DMD: variants seen among roughly 807,000 people sequenced by gnomAD.
DMD encodes the protein mutant dystrophin.
A neutral mutation model predicts 330.1 loss-of-function variants in DMD; 63 were observed. The observed-to-expected ratio is 0.19, with a 90% CI of 0.16 to 0.24. The LOEUF is 0.24. Ranked by LOEUF, DMD falls within the 10% of genes least tolerant of loss-of-function variation. The pLI, the probability that DMD is intolerant of heterozygous loss-of-function variation, is 1.00. For missense variants in DMD, 3,344 were observed against 2,684.1 expected (o/e 1.25, Z -5.43); for synonymous variants, 1,223 against 959.8 (o/e 1.27, Z -5.07).
At chrX:32,591,384 C>A (rs374469067) in intron 13 of DMD, among the ~76,000 whole-genome samples, 48 of 111,931 alleles carry the variant, frequency 4.3e-4, no homozygotes, top group African/African-American at 1.4e-3. Context: ...CTTTGGAAGA[C>A]ATTTTCATTA....
chrX:33,200,925 C>CTTTTTTTTT (rs10678250), intron 1 of DMD, among the ~76,000 whole-genome samples: 6 of 52,810 alleles, frequency 1.1e-4, no homozygotes, highest in African/African-American at 1.7e-4. Flanking sequence ...AATCAATAGA[C>CTTTTTTTTT]TTTTTTTTTT....
intron 62 of DMD, among the ~76,000 whole-genome samples, chrX:31,305,667 A>T (rs1234935682): frequency 2.7e-5 from 3 of 112,218 alleles, no homozygotes; most frequent in Admixed American, 1.9e-4. Flanking sequence ...TCCACACAGC[A>T]GCCAATTATG....
chrX:31,333,527 TATCTGCTCCAG>T (rs916776276), intron 61 of DMD, among the ~76,000 whole-genome samples: 3 of 107,536 alleles, frequency 2.8e-5, no homozygotes, highest in Non-Finnish European at 5.8e-5. Context: ...CTAATAGATG[TATCTGCTCCAG>T]ATCTCCTGGA....
At chrX:32,652,719 G>C (rs2060255482) in intron 9 of DMD, among the ~76,000 whole-genome samples, 1 of 111,426 alleles carries the variant, frequency 9.0e-6, no homozygotes, top group Non-Finnish European at 1.9e-5. Context: ...TCTAGTTCTA[G>C]ATCCTTGAGG....
chrX:31,218,961 C>T lies in DMD; in HGVS notation c.9361+4086G>A, dbSNP rs1010912531. On this transcript the variant is annotated intron_variant, in intron 64 of 78. Coordinates refer to ENST00000357033, the MANE Select transcript of DMD (RefSeq NM_004006.3). ...TCAGTTCCTTAACTTGCTATTTCAC[C>T]TCCATGGAAATTCACATCCACTCTA... Among the ~76,000 whole-genome samples the T allele has an allele frequency of 1.4e-4, 16 of 111,288 alleles. No homozygotes were observed. The East Asian group carries it at 4.0e-3, about 28-fold the overall frequency.
intron 44 of DMD, among the ~76,000 whole-genome samples, chrX:31,976,647 C>G (rs2095438240): frequency 9.0e-6 from 1 of 111,009 alleles, no homozygotes; most frequent in South Asian, 3.7e-4. Flanking sequence ...TTTGATGAAG[C>G]TGCTTGTGTT....
At chrX:32,714,057 G>C (rs761884899) in intron 7 of DMD, among the ~76,000 whole-genome samples, 1 of 111,534 alleles carries the variant, frequency 9.0e-6, no homozygotes, top group Admixed American at 9.5e-5. Flanking sequence ...ATGATTAAAT[G>C]GGTACTCAAA....
chrX:32,438,309 C>G lies in DMD; in HGVS notation c.4003G>C (p.Val1335Leu), dbSNP rs2098269145. Residue 1335 changes from valine to leucine, a missense_variant, in exon 29 of 79, where the codon GTC becomes CTC. Val to Leu is a conservative substitution (Grantham distance 32). Transcript: ENST00000357033. Reference sequence around the variant, plus strand: ...TCCTCATTGATTAGCTCATCCATGACTCCGCCATCTGTTAGGGTCTGTGCC... The same window carrying G: ...TCCTCATTGATTAGCTCATCCATGAGTCCGCCATCTGTTAGGGTCTGTGCC... ...ILAQTLTDGG[V>L]MDELINEELE... The G allele has an allele frequency of 8.3e-7, 1 of 1,210,895 alleles. No individual in the cohort carries two copies. Among genetic ancestry groups the G allele is most frequent in the Non-Finnish European group, 1.1e-6 (1 of 894,811 alleles).
intron 11 of DMD, among the ~76,000 whole-genome samples, chrX:32,634,142 G>T (rs764616711): frequency 9.0e-6 from 1 of 111,635 alleles, no homozygotes; most frequent in Non-Finnish European, 1.9e-5. Context: ...TGGCCACGAC[G>T]ACTACTGAAC....
At chrX:31,359,787 G>A (rs2058843060) in intron 60 of DMD, among the ~76,000 whole-genome samples, 1 of 111,914 alleles carries the variant, frequency 8.9e-6, no homozygotes, top group African/African-American at 3.3e-5. Flanking sequence ...GTACACCATA[G>A]TGACCATTTT....
intron 37 of DMD, among the ~76,000 whole-genome samples, chrX:32,362,412 T>C (rs1351474089): frequency 8.9e-6 from 1 of 112,103 alleles, no homozygotes; most frequent in Non-Finnish European, 1.9e-5. Flanking sequence ...TAGTGCTTTA[T>C]GTTGATGGAT....
chrX:33,117,161 A>G (rs2148466600), intron 1 of DMD, among the ~76,000 whole-genome samples: 1 of 111,367 alleles, frequency 9.0e-6, no homozygotes, highest in East Asian at 2.8e-4. Flanking sequence ...TTTTATCTAA[A>G]GAAGTTAAGC....
chrX:31,968,936 T>G (rs1291047490), intron 44 of DMD, among the ~76,000 whole-genome samples: 1 of 110,153 alleles, frequency 9.1e-6, no homozygotes, highest in Non-Finnish European at 1.9e-5. Context: ...ATACGAGAGG[T>G]GAAAAAGAAC....
intron 44 of DMD, among the ~76,000 whole-genome samples, chrX:32,198,659 C>T (rs1330936236): frequency 9.0e-6 from 1 of 111,598 alleles, no homozygotes; most frequent in Non-Finnish European, 1.9e-5. Flanking sequence ...GTTTTGTCTT[C>T]CTACCAGCTC....
intron 53 of DMD, among the ~76,000 whole-genome samples, chrX:31,676,004 A>G (rs976050319): frequency 3.6e-5 from 4 of 112,120 alleles, no homozygotes; most frequent in African/African-American, 1.3e-4. Flanking sequence ...TTTAAGAGTT[A>G]TAACAGTGTT....
rs765439675 is a variant in DMD, at chrX:31,463,715, A to G, written c.8937+14391T>C. On this transcript the variant is annotated intron_variant, in intron 59 of 78. Transcript: ENST00000357033. ...TTAAATAAATAACTCACATTTTAGC[A>G]CTGTTTCTAGTTAATGTGGTACATG... is the stretch of plus-strand genomic sequence containing the variant. 7.4e-3 allele frequency among the ~76,000 whole-genome samples: 827 copies of G among 111,811 alleles called. 2 individuals carry two copies. The highest frequency in any genetic ancestry group is 0.011 in the Non-Finnish European group (596 of 53,133).
At chrX:31,551,666 G>A (rs1344910630) in intron 55 of DMD, among the ~76,000 whole-genome samples, 2 of 112,371 alleles carry the variant, frequency 1.8e-5, no homozygotes, top group Non-Finnish European at 3.7e-5. Flanking sequence ...CTGTGGCACA[G>A]AAGTTCCTCA....
Position 33,037,359 on chromosome X carries a change from A to G in DMD, c.32-17159T>C, listed in dbSNP as rs755453983. ...AGAAAAAGTCTCTTAACTTGAAACT[A>G]TACAGGAAAAAAAAAAAACCCTGAT... On this transcript the variant is annotated intron_variant, in intron 1 of 78. Coordinates refer to ENST00000357033, the MANE Select transcript of DMD (RefSeq NM_004006.3). Among the ~76,000 whole-genome samples, 3 of 81,187 alleles carry G rather than the reference A, an allele frequency of 3.7e-5. No individual in the cohort carries two copies. In the East Asian group the frequency reaches 9.7e-4, roughly 26 times the overall value. 70.5% of individuals were successfully genotyped at this position (81,187 alleles called of 115,157 possible).
At chrX:31,649,505 T>A (rs1334608478) in intron 54 of DMD, among the ~76,000 whole-genome samples, 1 of 111,547 alleles carries the variant, frequency 9.0e-6, no homozygotes, top group Non-Finnish European at 1.9e-5. Flanking sequence ...TCCATATGGA[T>A]CATGACACTC....
Sources: allele counts gnomAD v4.1 joint callset (sites outside exome capture counted in the v4.1 genomes callset), GRCh38; gene constraint gnomAD v4.1.1; transcripts MANE v1.5; gene names NCBI Gene and HGNC (gene_info 2026-07-23, HGNC 2026-07-21).